The following LGR5 variants were observed in gnomAD, a reference collection of about 807,000 sequenced individuals.
LGR5 encodes the protein leucine rich repeat containing G protein-coupled receptor 5.
In LGR5, 54 loss-of-function variants were observed where a neutral mutation model predicts 76.7. That is an observed-to-expected ratio of 0.70 (90% CI 0.57 to 0.88). The LOEUF is 0.88. Among genes scored for constraint, LGR5 ranks in the 40% least tolerant of loss-of-function variants. LGR5 has a pLI of 0.00. For missense variants in LGR5, 1,078 were observed against 1,073.3 expected (o/e 1.00, Z -0.06); for synonymous variants, 406 against 421.9 (o/e 0.96, Z 0.46).
intron 1 of LGR5, among the ~76,000 whole-genome samples, chr12:71,447,492 T>C (rs1309823483): frequency 6.6e-6 from 1 of 152,210 alleles, no homozygotes; most frequent in Non-Finnish European, 1.5e-5. Context: ...AGTACTCTCA[T>C]ACTCCAGCTT....
intron 4 of LGR5, among the ~76,000 whole-genome samples, 165 bp downstream of exon 4, chr12:71,535,351 A>G (rs1425318086): frequency 6.6e-6 from 1 of 152,184 alleles, no homozygotes; most frequent in African/African-American, 2.4e-5. Flanking sequence ...TCATTGAGCA[A>G]TATGTATGGG....
chr12:71,517,850 A>C (rs1455928769), intron 2 of LGR5, among the ~76,000 whole-genome samples: 17 of 152,232 alleles, frequency 1.1e-4, no homozygotes, highest in Admixed American at 1.1e-3. Flanking sequence ...AATCAAATGC[A>C]TGTGGATTAT....
intron 4 of LGR5, among the ~76,000 whole-genome samples, chr12:71,550,698 A>G (rs1877438247): frequency 6.6e-6 from 1 of 152,036 alleles, no homozygotes; most frequent in Non-Finnish European, 1.5e-5. Flanking sequence ...TCCTGACCTC[A>G]GGTGATCTGC....
chr12:71,572,869 A>G lies in LGR5; in HGVS notation c.1156A>G (p.Ile386Val), dbSNP rs754527254. The change falls in exon 13 of 18, where the codon ATC (isoleucine) becomes GTC (valine). Residue 386 changes from isoleucine (I) to valine (V), a missense_variant. Ile to Val is a conservative substitution (Grantham distance 29, BLOSUM62 3). Transcript: ENST00000266674. ...LQKIDLRHNE[I>V]YEIKVDTFQQ... The stretch of plus-strand genomic sequence containing the variant: ...TTTCAGTGACCTAAGACATAATGAA[A>G]TCTACGAAATTAAAGTTGACACTTT... 6.2e-7 allele frequency: 1 copy of G among 1,613,650 alleles called. No individual in the cohort carries two copies. Among genetic ancestry groups the G allele is most frequent in the African/African-American group, 1.3e-5 (1 of 74,896 alleles).
intron 1 of LGR5, among the ~76,000 whole-genome samples, chr12:71,443,508 A>C (rs1871854761): frequency 1.3e-5 from 2 of 152,244 alleles, no homozygotes; most frequent in South Asian, 2.1e-4. Context: ...TTTACTTAGC[A>C]GAAAATAAGG....
chr12:71,452,620 A>G (rs1872295800), intron 1 of LGR5, among the ~76,000 whole-genome samples: 1 of 152,210 alleles, frequency 6.6e-6, no homozygotes, highest in African/African-American at 2.4e-5. Context: ...AAAATTCAAA[A>G]AGTGCTGTTG....
At chr12:71,545,526 A>C (rs1877111384) in intron 4 of LGR5, among the ~76,000 whole-genome samples, 1 of 152,086 alleles carries the variant, frequency 6.6e-6, no homozygotes, top group Admixed American at 6.6e-5. Context: ...TTGCTTCATA[A>C]CTCTGTTTAT....
At chr12:71,498,831 G>T (rs1874456422) in intron 1 of LGR5, among the ~76,000 whole-genome samples, 1 of 152,212 alleles carries the variant, frequency 6.6e-6, no homozygotes, top group African/African-American at 2.4e-5. Flanking sequence ...ATCCTTGGTG[G>T]TCCGAAGAAT....
chr12:71,496,775 T>C (rs953922764), intron 1 of LGR5, among the ~76,000 whole-genome samples: 3 of 152,204 alleles, frequency 2.0e-5, no homozygotes, highest in South Asian at 2.1e-4. Context: ...ACTATTGCTA[T>C]GCACAACATA....
At chr12:71,508,805 G>A (rs184299588) in intron 2 of LGR5, among the ~76,000 whole-genome samples, 1 of 146,320 alleles carries the variant, frequency 6.8e-6, no homozygotes, top group East Asian at 2.0e-4. Flanking sequence ...TGAATGATGA[G>A]TTACAGAAAG....
At chr12:71,502,461 G>A (rs1000256784) in intron 1 of LGR5, among the ~76,000 whole-genome samples, 16 of 151,934 alleles carry the variant, frequency 1.1e-4, no homozygotes, top group Non-Finnish European at 5.9e-5. Flanking sequence ...GCCTCCCAAA[G>A]TGCTGGGATT....
chr12:71,460,217 T>C (rs1872635537), intron 1 of LGR5, among the ~76,000 whole-genome samples: 1 of 151,988 alleles, frequency 6.6e-6, no homozygotes, highest in African/African-American at 2.4e-5. Context: ...AATTTTCAGA[T>C]TGGCTGAACA....
chr12:71,442,009 C>T (rs557905789), intron 1 of LGR5: 14 of 152,252 alleles, frequency 9.2e-5, no homozygotes, highest in African/African-American at 1.4e-4. Flanking sequence ...TTTTGCTTGG[C>T]AGCCTATAAC....
intron 1 of LGR5, among the ~76,000 whole-genome samples, chr12:71,487,575 C>T (rs533592846): frequency 1.8e-4 from 28 of 152,146 alleles, no homozygotes; most frequent in Admixed American, 3.9e-4. Flanking sequence ...CCACCACACC[C>T]GGCTCATTTT....
At chr12:71,493,741 A>C (rs926704253) in intron 1 of LGR5, among the ~76,000 whole-genome samples, 14 of 147,530 alleles carry the variant, frequency 9.5e-5, no homozygotes, top group African/African-American at 3.4e-4. Flanking sequence ...TAAGCTTTTC[A>C]GTTGTCTTAT....
At chr12:71,458,286 G>C (rs772137331) in intron 1 of LGR5, among the ~76,000 whole-genome samples, 5 of 152,032 alleles carry the variant, frequency 3.3e-5, no homozygotes, top group Admixed American at 1.3e-4. Flanking sequence ...TTTCAAGTCA[G>C]ATTTAATGTT....
At chr12:71,484,707 G>A (rs2137267068) in intron 1 of LGR5, among the ~76,000 whole-genome samples, 1 of 152,162 alleles carries the variant, frequency 6.6e-6, no homozygotes, top group East Asian at 1.9e-4. Flanking sequence ...CTCTATTTTG[G>A]GATGTGAGCT....
Position 71,553,094 on chromosome 12 carries a change from C to G in LGR5, c.450C>G (p.Ile150Met), listed in dbSNP as rs780122781. ...LQSLRLDANH[I>M]SYVPPSCFSG... ...ACAGGCGTCTGGATGCTAACCACAT[C>G]AGCTATGTGCCCCCAAGCTGTTTCA... Residue 150 changes from isoleucine (I) to methionine (M), a missense_variant, in exon 5 of 18, where the codon ATC (isoleucine) becomes ATG (methionine). Physicochemically the swap from Ile to Met is conservative, Grantham distance 10. Coordinates refer to ENST00000266674, the MANE Select transcript of LGR5 (RefSeq NM_003667.4). The G allele has an allele frequency of 1.2e-6, 2 of 1,614,036 alleles. No homozygotes were observed. The highest frequency in any genetic ancestry group is 3.3e-5 in the Admixed American group (2 of 59,992).
In LGR5 at chr12:71,584,473, CT is replaced by C; in HGVS notation, c.2465del (p.Leu822CysfsTer11). The C allele has an allele frequency of 6.2e-7, 1 of 1,614,160 alleles. No individual in the cohort carries two copies. Among genetic ancestry groups the C allele is most frequent in the Non-Finnish European group, 8.5e-7 (1 of 1,180,012 alleles). On this transcript the variant is annotated frameshift_variant, in exon 18 of 18. Transcript: ENST00000266674. LOFTEE classifies it high-confidence loss of function. Reference protein sequence around the residue: ...PACLNPLLYILFNPHFKEDLV... With the variant: ...PACLNPLLYIXFNPHFKEDLV... ...CATGTCTCAATCCCCTTCTCTACAT[CT>C]TGTTCAATCCTCACTTTAAGGAGGA...
Sources: allele counts gnomAD v4.1 joint callset (sites outside exome capture counted in the v4.1 genomes callset), GRCh38; gene constraint gnomAD v4.1.1; transcripts MANE v1.5; gene names NCBI Gene and HGNC (gene_info 2026-07-23, HGNC 2026-07-21).